The following UBE4A variants were observed in gnomAD, a reference collection of about 807,000 sequenced individuals.
UBE4A encodes the protein ubiquitination factor E4A.
In UBE4A, 48 loss-of-function variants were observed where a neutral mutation model predicts 117.9. That is an observed-to-expected ratio of 0.41 (90% CI 0.32 to 0.52). The LOEUF is 0.52. UBE4A is among the 20% of genes least tolerant of loss of function. UBE4A has a pLI of 0.33. For synonymous variants in UBE4A, 407 were observed against 450.0 expected, an observed-to-expected ratio of 0.90 and a Z score of 1.21; for missense variants, 1,067 against 1,296.3, an observed-to-expected ratio of 0.82 and a Z score of 2.72.
chr11:118,369,549 G>T lies in UBE4A; in HGVS notation c.408+14G>T, dbSNP rs760436231. The T allele has an allele frequency of 7.5e-6, 12 of 1,602,530 alleles. No homozygotes were observed. Among genetic ancestry groups the T allele is most frequent in the African/African-American group, 1.3e-5 (1 of 74,616 alleles). ...AATGTTGAGCAGGTAATATTCTTAC[G>T]TTCCTAATGTGTGCCCTTAGCAAAA... On this transcript the variant is annotated intron_variant, in intron 4 of 19. Coordinates refer to ENST00000252108, the MANE Select transcript of UBE4A (RefSeq NM_001204077.2).
At position 118,382,781 on chromosome 11, in the gene UBE4A, AGCAGTCATGAAGCT is replaced by A; in HGVS notation, c.2197+7_2197+20del. ...TTGTGGACATCGAATTTACAGGTAA[AGCAGTCATGAAGCT>A]GAGCCCAGAACTGGGAAGCTGATAC... On this transcript the variant is annotated splice_donor_region_variant and intron_variant, in intron 13 of 19. Transcript: ENST00000252108. The A allele has an allele frequency of 6.4e-7, 1 of 1,569,730 alleles. No homozygotes were observed. Among genetic ancestry groups the A allele is most frequent in the Non-Finnish European group, 8.7e-7 (1 of 1,150,552 alleles).
chr11:118,372,243 A>G (rs1948615581), intron 5 of UBE4A, among the ~76,000 whole-genome samples: 1 of 152,192 alleles, frequency 6.6e-6, no homozygotes, highest in African/African-American at 2.4e-5. Context: ...TGACAGAGCG[A>G]GACTCTGTCT....
intron 10 of UBE4A, among the ~76,000 whole-genome samples, chr11:118,377,994 TC>T (rs782745369): frequency 6.7e-6 from 1 of 149,462 alleles, no homozygotes; most frequent in Non-Finnish European, 1.5e-5. Flanking sequence ...ATGCCTATAA[TC>T]CCAGCACTTT....
chr11:118,387,394 AT>A (rs1160879172), intron 16 of UBE4A, among the ~76,000 whole-genome samples: 2 of 152,228 alleles, frequency 1.3e-5, no homozygotes, highest in Non-Finnish European at 2.9e-5. Flanking sequence ...GAAATGTTAA[AT>A]ATTCAGTAAA....
intron 19 of UBE4A, among the ~76,000 whole-genome samples, chr11:118,394,767 C>T (rs1284523569): frequency 7.1e-6 from 1 of 141,408 alleles, no homozygotes; most frequent in Admixed American, 7.0e-5. Context: ...GAGCGAGACT[C>T]GTCTCAAAAA....
intron 17 of UBE4A, among the ~76,000 whole-genome samples, chr11:118,390,385 A>G (rs567280954): frequency 6.9e-6 from 1 of 145,560 alleles, no homozygotes; most frequent in African/African-American, 2.5e-5. Context: ...AATATATTTA[A>G]TATATATTAT....
Position 118,392,784 on chromosome 11 carries a change from C to G in UBE4A, c.2963C>G (p.Ala988Gly). ...CAGGAAGAGGAAACCTATGCAGATG[C>G]CTGTGATGAGTTCCTGGATCCCATT... ...QQQEEETYAD[A>G]CDEFLDPIMS... The change falls in exon 19 of 20, where the codon GCC (alanine) becomes GGC (glycine). Residue 988 changes from alanine (A) to glycine (G), a missense_variant. By Grantham distance (60) the Ala-to-Gly change is moderately conservative (BLOSUM62 0). Coordinates refer to ENST00000252108, the MANE Select transcript of UBE4A (RefSeq NM_001204077.2). The G allele has an allele frequency of 4.3e-6, 7 of 1,614,126 alleles. No individual in the cohort carries two copies. Among genetic ancestry groups the G allele is most frequent in the Non-Finnish European group, 5.1e-6 (6 of 1,180,008 alleles).
At chr11:118,370,006 G>T (rs192715110) in intron 4 of UBE4A, among the ~76,000 whole-genome samples, 51 of 151,768 alleles carry the variant, frequency 3.4e-4, no homozygotes, top group African/African-American at 1.2e-3. Context: ...GCAGGAGAAT[G>T]GTTTAAACCC....
At chr11:118,379,388 GT>G in intron 10 of UBE4A, 57 bp from the exon 11 acceptor site, 1 of 1,526,504 alleles carries the variant, frequency 6.6e-7, no homozygotes. Flanking sequence ...TTGAGGATTT[GT>G]TTTTTTGTGA....
chr11:118,377,558 C>T (rs1476706340), intron 10 of UBE4A, among the ~76,000 whole-genome samples: 1 of 151,976 alleles, frequency 6.6e-6, no homozygotes, highest in Non-Finnish European at 1.5e-5. Flanking sequence ...TCACTGTCTT[C>T]CTATTGTGAT....
intron 6 of UBE4A, among the ~76,000 whole-genome samples, 177 bp from the exon 7 acceptor site, chr11:118,372,909 G>T (rs529448709): frequency 1.3e-5 from 2 of 151,594 alleles, no homozygotes; most frequent in South Asian, 4.2e-4. Flanking sequence ...GGAGTTTGAG[G>T]CTGTAGTGTG....
intron 11 of UBE4A, among the ~76,000 whole-genome samples, chr11:118,380,148 T>TGTGC (rs1385383028): frequency 2.0e-5 from 2 of 101,060 alleles, no homozygotes; most frequent in Non-Finnish European, 4.1e-5. Context: ...TGTGTGTGTG[T>TGTGC]GTGTGTGTGT....
rs370326273 is a variant in UBE4A, at chr11:118,373,451, C to T, written c.925-43C>T. On this transcript the variant is annotated intron_variant, in intron 7 of 19. Transcript: ENST00000252108. ...AGGCCCTCCCACCCCATCACCTTATCTCACCATGAAGATGAATAAGCAGAA... is the reference window on the plus strand; with the variant it reads ...AGGCCCTCCCACCCCATCACCTTATTTCACCATGAAGATGAATAAGCAGAA... The T allele has an allele frequency of 1.3e-5, 21 of 1,580,690 alleles. No homozygotes were observed. The African/African-American group carries it at 2.3e-4, about 17-fold the overall frequency.
At position 118,393,138 on chromosome 11, in the gene UBE4A, C is replaced by A. The variant is rs45439496; in HGVS notation, c.3074+243C>A. ...CTGCCTTAAGAAAATAATTTCTGGC[C>A]GGGTGCAGTGGCTCATGCCTGTAAT... On this transcript the variant is annotated intron_variant, in intron 19 of 19. Transcript: ENST00000252108. Among the ~76,000 whole-genome samples, 1,383 of 152,198 alleles carry A rather than the reference C, an allele frequency of 9.1e-3. 18 individuals carry two copies. Among genetic ancestry groups the A allele is most frequent in the Non-Finnish European group, 0.016 (1,090 of 67,988 alleles).
At chr11:118,375,359 T>A in intron 9 of UBE4A, 130 bp downstream of exon 9, 1 of 896,400 alleles carries the variant, frequency 1.1e-6, no homozygotes, top group African/African-American at 1.7e-5. Context: ...GCTATTTCGA[T>A]TTTTTTTTCT....
In UBE4A at chr11:118,375,561, A is replaced by C. The variant is rs183051142; in HGVS notation, c.1450+332A>C. Among the ~76,000 whole-genome samples the C allele has an allele frequency of 4.1e-3, 619 of 151,772 alleles. 9 individuals are homozygous for C. The highest frequency in any genetic ancestry group is 6.0e-3 in the Admixed American group (91 of 15,260). ...TTTTTAATAGAGACGGAGTTTCACC[A>C]TGTTGGCCAGGATAGTCTCGATCTC... On this transcript the variant is annotated intron_variant, in intron 9 of 19. Transcript: ENST00000252108.
chr11:118,398,969 TG>T lies in UBE4A; in HGVS notation c.*2532del. On this transcript the variant is annotated 3_prime_UTR_variant, in exon 20 of 20. Transcript: ENST00000252108. ...GCCATTGCACAGAGCATAAGTCTAC[TG>T]GGTGCCTTTACATGCCAGAGGCTGA... 2.2e-6 allele frequency: 1 copy of T among 448,046 alleles called. No homozygotes were observed. Among genetic ancestry groups the T allele is most frequent in the Non-Finnish European group, 4.5e-6 (1 of 222,266 alleles). The allele number at this position is 448,046 out of a possible 1,614,324, so 27.8% of individuals were successfully genotyped here. A position where few individuals can be genotyped will look rare whatever the true frequency, so the allele number is the denominator to read the frequency against.
chr11:118,394,786 A>G (rs1476250229), intron 19 of UBE4A, among the ~76,000 whole-genome samples: 2 of 151,922 alleles, frequency 1.3e-5, no homozygotes, highest in African/African-American at 4.8e-5. Context: ...AAAAAAAAAA[A>G]AATTAAGTTA....
At chr11:118,384,608 T>C in intron 13 of UBE4A, 27 bp from the exon 14 acceptor site, 1 of 1,598,806 alleles carries the variant, frequency 6.3e-7, no homozygotes, top group Non-Finnish European at 8.6e-7. Context: ...CCGCCTTTGC[T>C]GATATTTCGC....
Sources: gnomAD v4.1 joint callset for allele counts (sites outside exome capture counted in the v4.1 genomes callset) on GRCh38, gnomAD v4.1.1 for gene constraint, MANE v1.5 for transcripts, NCBI Gene and HGNC (gene_info 2026-07-23, HGNC 2026-07-21) for gene names.